Variants in BFSP2 observed in about 807,000 individuals in gnomAD.
BFSP2 encodes the protein beaded filament structural protein 2.
In BFSP2, 38 loss-of-function variants were observed where a neutral mutation model predicts 44.9. The ratio of observed to expected loss-of-function variants is 0.85; its 90% CI spans 0.65 to 1.11. The LOEUF (loss-of-function observed/expected upper bound fraction) is 1.11. BFSP2 is among the 50% of genes least tolerant of loss of function. The pLI, the probability that BFSP2 is intolerant of heterozygous loss-of-function variation, is 0.00. For synonymous variants in BFSP2, 197 were observed against 209.9 expected (o/e 0.94, Z 0.53); for missense variants, 525 against 533.0 (o/e 0.99, Z 0.15).
At chr3:133,448,442 T>A (rs745318662) in intron 2 of BFSP2, 47 bp from the exon 3 acceptor site, 2 of 1,608,674 alleles carry the variant, frequency 1.2e-6, no homozygotes, top group Non-Finnish European at 1.7e-6. Context: ...CTGATTCTTT[T>A]TCTTTTGGGC....
intron 4 of BFSP2, among the ~76,000 whole-genome samples, chr3:133,457,631 G>C (rs561653185): frequency 1.3e-5 from 2 of 152,174 alleles, no homozygotes; most frequent in Admixed American, 1.3e-4. Flanking sequence ...TATACCACAG[G>C]GGGCAGCAAA....
At chr3:133,468,809 G>T (rs184925851) in intron 5 of BFSP2, among the ~76,000 whole-genome samples, 109 of 152,350 alleles carry the variant, frequency 7.2e-4, no homozygotes, top group African/African-American at 2.5e-3. Flanking sequence ...CATTGAGAAA[G>T]CGATTGTGGA....
chr3:133,471,591 T>A (rs1477033403), intron 5 of BFSP2, among the ~76,000 whole-genome samples: 1 of 151,960 alleles, frequency 6.6e-6, no homozygotes. Context: ...GAAGGAAAGA[T>A]TGGTGGTGGA....
intron 1 of BFSP2, among the ~76,000 whole-genome samples, chr3:133,419,268 C>G (rs12489328): frequency 0.68 from 103,386 of 151,988 alleles, 37,345 homozygotes; most frequent in Middle Eastern, 0.88. Flanking sequence ...GGGTACTGGG[C>G]CTTAGGATTT....
chr3:133,459,198 G>T (rs2074040224), intron 4 of BFSP2, among the ~76,000 whole-genome samples: 1 of 151,968 alleles, frequency 6.6e-6, no homozygotes, highest in African/African-American at 2.4e-5. Context: ...TTTTTAATTG[G>T]TCAGGTGTAG....
intron 1 of BFSP2, among the ~76,000 whole-genome samples, chr3:133,417,756 A>C (rs1576564555): frequency 1.1e-5 from 1 of 87,048 alleles, no homozygotes; most frequent in South Asian, 3.8e-4. Context: ...CCCTCTACTC[A>C]CCTCTGTCAC....
At chr3:133,435,745 G>A (rs1010899424) in intron 1 of BFSP2, among the ~76,000 whole-genome samples, 4 of 152,128 alleles carry the variant, frequency 2.6e-5, no homozygotes, top group African/African-American at 9.7e-5. Context: ...TTTTTCCCTT[G>A]CAAATTGTCT....
At chr3:133,419,352 CCA>C (rs1221757300) in intron 1 of BFSP2, among the ~76,000 whole-genome samples, 2 of 152,170 alleles carry the variant, frequency 1.3e-5, no homozygotes, top group East Asian at 3.9e-4. Context: ...GAAACTGAGG[CCA>C]CAGTTAGTGT....
At chr3:133,406,671 T>C (rs1263675973) in intron 1 of BFSP2, among the ~76,000 whole-genome samples, 2 of 152,020 alleles carry the variant, frequency 1.3e-5, no homozygotes, top group African/African-American at 4.8e-5. Context: ...TGATAAAATA[T>C]CTCTAAGAAG....
At chr3:133,458,170 A>G (rs1234962680) in intron 4 of BFSP2, among the ~76,000 whole-genome samples, 1 of 152,166 alleles carries the variant, frequency 6.6e-6, no homozygotes, top group Non-Finnish European at 1.5e-5. Flanking sequence ...TGCTAATACT[A>G]TGGGTTAAAA....
At chr3:133,443,253 G>A (rs1485111041) in intron 1 of BFSP2, among the ~76,000 whole-genome samples, 5 of 152,192 alleles carry the variant, frequency 3.3e-5, no homozygotes, top group African/African-American at 1.2e-4. Flanking sequence ...GAGTATGCAA[G>A]TGTGGAGCTG....
At chr3:133,470,670 T>G (rs2074153878) in intron 5 of BFSP2, among the ~76,000 whole-genome samples, 1 of 151,154 alleles carries the variant, frequency 6.6e-6, no homozygotes, top group Non-Finnish European at 1.5e-5. Context: ...AGTGCTATCA[T>G]CCAGGGCAAT....
At chr3:133,436,047 T>C (rs981529253) in intron 1 of BFSP2, among the ~76,000 whole-genome samples, 1 of 152,200 alleles carries the variant, frequency 6.6e-6, no homozygotes. Flanking sequence ...GAACTTAGTA[T>C]GAGTTTATTT....
intron 1 of BFSP2, among the ~76,000 whole-genome samples, chr3:133,435,553 T>C (rs967227790): frequency 6.6e-6 from 1 of 152,264 alleles, no homozygotes; most frequent in African/African-American, 2.4e-5. Flanking sequence ...TTGAAAACTC[T>C]GCTCTTGTCT....
chr3:133,449,980 G>GGAAAGGAA (rs2073943419), intron 3 of BFSP2, among the ~76,000 whole-genome samples: 1 of 86,266 alleles, frequency 1.2e-5, no homozygotes, highest in Non-Finnish European at 2.5e-5. Flanking sequence ...AAGGAAAGAA[G>GGAAAGGAA]GAAAGGAAGG....
chr3:133,467,014 G>A, intron 5 of BFSP2, 55 bp downstream of exon 5: 1 of 1,599,708 alleles, frequency 6.3e-7, no homozygotes, highest in Non-Finnish European at 8.6e-7. Context: ...ACTCTCTACT[G>A]TCAAATTCCA....
At chr3:133,465,182 T>A (rs1438397656) in intron 4 of BFSP2, among the ~76,000 whole-genome samples, 1 of 151,978 alleles carries the variant, frequency 6.6e-6, no homozygotes. Flanking sequence ...AATTTTTGTA[T>A]TTTTAGTAGA....
intron 4 of BFSP2, among the ~76,000 whole-genome samples, chr3:133,454,943 G>A (rs941409340): frequency 6.6e-6 from 1 of 151,744 alleles, no homozygotes; most frequent in African/African-American, 2.4e-5. Flanking sequence ...ATACACATTA[G>A]CCTAGGCCTA....
At chr3:133,418,132 CCTCTCCCCTCTACTCACCCCTGTT>C (rs1332269063) in intron 1 of BFSP2, among the ~76,000 whole-genome samples, 3 of 151,100 alleles carry the variant, frequency 2.0e-5, no homozygotes, top group African/African-American at 4.9e-5. Context: ...TCACCCCTGT[CCTCTCCCCTCTACTCACCCCTGTT>C]CTCTCCCCTC....
Sources: gnomAD v4.1 joint callset for allele counts (sites outside exome capture counted in the v4.1 genomes callset) on GRCh38, gnomAD v4.1.1 for gene constraint, MANE v1.5 for transcripts, NCBI Gene and HGNC (gene_info 2026-07-23, HGNC 2026-07-21) for gene names.